Variants in ZNF746 observed in about 807,000 individuals in gnomAD.
ZNF746 encodes the protein zinc finger protein 746, also known as parkin-interacting substrate.
A neutral mutation model predicts 41.0 loss-of-function variants in ZNF746; 13 were observed. That is an observed-to-expected ratio of 0.32 (90% CI 0.21 to 0.50). ZNF746 has a LOEUF of 0.50. Among genes scored for constraint, ZNF746 ranks in the 20% least tolerant of loss-of-function variants. The pLI, the probability that ZNF746 is intolerant of heterozygous loss-of-function variation, is 0.98. For missense variants in ZNF746, 811 were observed against 922.9 expected (o/e 0.88, Z 1.57); for synonymous variants, 424 against 396.2 (o/e 1.07, Z -0.83).
chr7:149,488,094 T>G (rs1460743277), intron 4 of ZNF746: 1 of 152,076 alleles, frequency 6.6e-6, no homozygotes, highest in East Asian at 1.9e-4. Context: ...AACAGACTTG[T>G]GCACATGCAG....
chr7:149,488,443 G>A (rs946523340), intron 4 of ZNF746: 1 of 152,080 alleles, frequency 6.6e-6, no homozygotes, highest in Non-Finnish European at 1.5e-5. Context: ...CAACGTTAAA[G>A]ACCTGCCACC....
intron 4 of ZNF746, among the ~76,000 whole-genome samples, chr7:149,486,216 A>G (rs1800617295): frequency 6.6e-6 from 1 of 152,188 alleles, no homozygotes; most frequent in Non-Finnish European, 1.5e-5. Context: ...AAATAAAAAC[A>G]GCATTTCCCA....
intron 4 of ZNF746, among the ~76,000 whole-genome samples, chr7:149,480,055 A>C (rs1013558365): frequency 6.6e-6 from 1 of 152,230 alleles, no homozygotes; most frequent in Non-Finnish European, 1.5e-5. Context: ...AAAAACTTCC[A>C]GGTCAAGACT....
chr7:149,475,540 G>A lies in ZNF746; in HGVS notation c.884-57C>T, dbSNP rs188641261. 262 of 1,546,884 alleles carry A rather than the reference G, an allele frequency of 1.7e-4. No homozygotes were observed. In the East Asian group the frequency reaches 5.1e-3, roughly 30 times the overall value. On this transcript the variant is annotated intron_variant, in intron 6 of 6. Transcript: ENST00000458143. ...GTCCCTTAACTGCTGAGCGAGCCAC[G>A]ATCTGCCACCATCACCTGCTCAGCA...
At chr7:149,487,316 A>G (rs1197992322) in intron 4 of ZNF746, among the ~76,000 whole-genome samples, 2 of 152,244 alleles carry the variant, frequency 1.3e-5, no homozygotes, top group African/African-American at 4.8e-5. Flanking sequence ...CATTTGATAC[A>G]ATATAACACT....
intron 4 of ZNF746, among the ~76,000 whole-genome samples, chr7:149,485,364 TG>T (rs1379944312): frequency 6.6e-6 from 1 of 152,172 alleles, no homozygotes; most frequent in African/African-American, 2.4e-5. Context: ...GAATTTTTCA[TG>T]GAACTTGATA....
In ZNF746 at chr7:149,474,309, T is replaced by G. The variant is rs1800203645; in HGVS notation, c.*75A>C. 1.3e-6 allele frequency: 2 copies of G among 1,525,254 alleles called. No homozygotes were observed. The highest frequency in any genetic ancestry group is 1.4e-5 in the African/African-American group (1 of 72,586). 94.5% of individuals were successfully genotyped at this position (1,525,254 alleles called of 1,614,324 possible). ...TCCCCGTCCCGCGTCTGCCTGAAGCTTCCACGCCGCCCTGCTGCCTGCACA... is the reference window on the plus strand; with the variant it reads ...TCCCCGTCCCGCGTCTGCCTGAAGCGTCCACGCCGCCCTGCTGCCTGCACA... On this transcript the variant is annotated 3_prime_UTR_variant, in exon 7 of 7. Transcript: ENST00000458143. This position sits in a 1 kb window ranked among gnomAD's most constrained non-coding sequence, Gnocchi z 6.3.
In ZNF746 at chr7:149,474,909, C is replaced by T. The variant is rs761765989; in HGVS notation, c.1458G>A (p.Ala486=). 19 of 1,537,790 alleles carry T rather than the reference C, an allele frequency of 1.2e-5. No homozygotes were observed. The East Asian group carries it at 3.4e-4, about 28-fold the overall frequency. The change falls in exon 7 of 7, where the codon GCG becomes GCA. Residue 486 remains alanine, a synonymous_variant. Coordinates refer to ENST00000458143, the MANE Select transcript of ZNF746 (RefSeq NM_001394198.1). The surrounding 1 kb of genome is among the most constrained non-coding windows in gnomAD (Gnocchi z 6.3). ...KSFQLQVSLS[A]HQRSCGAPDG... ...CGGGCGCCCCACAGCTGCGCTGGTG[C>T]GCGCTCAGGCTGACTTGCAGCTGGA...
At chr7:149,476,859 C>T (rs1009524809) in intron 6 of ZNF746, 63 bp downstream of exon 6, 1 of 1,610,858 alleles carries the variant, frequency 6.2e-7, no homozygotes, top group African/African-American at 1.3e-5. Flanking sequence ...AATGGGATGC[C>T]TGGACCGAGG....
In ZNF746 at chr7:149,474,219, C is replaced by A. The variant is rs929395432; in HGVS notation, c.*165G>T. ...ATTCTACTTGGTTTAGAGGTGGCAG[C>A]TGTCCTGGTGGATAGTTTCTCTTTC... On this transcript the variant is annotated 3_prime_UTR_variant, in exon 7 of 7. Coordinates refer to ENST00000458143, the MANE Select transcript of ZNF746 (RefSeq NM_001394198.1). This position sits in a 1 kb window ranked among gnomAD's most constrained non-coding sequence, Gnocchi z 6.3. 4 of 747,810 alleles carry A rather than the reference C, an allele frequency of 5.3e-6. No homozygotes were observed. The highest frequency in any genetic ancestry group is 8.5e-6 in the Non-Finnish European group (4 of 471,390). The allele number at this position is 747,810 out of a possible 1,614,324, so 46.3% of individuals were successfully genotyped here. A position where few individuals can be genotyped will look rare whatever the true frequency, so the allele number is the denominator to read the frequency against.
Position 149,497,672 on chromosome 7 carries a change from G to GGGGCAGCCAGCGA in ZNF746, c.-137_-136insTCGCTGGCTGCCC. 1 of 638,490 alleles carries GGGGCAGCCAGCGA rather than the reference G, an allele frequency of 1.6e-6. No individual in the cohort carries two copies. Among genetic ancestry groups the GGGGCAGCCAGCGA allele is most frequent in the Non-Finnish European group, 2.0e-6 (1 of 510,186 alleles). 39.6% of individuals were successfully genotyped at this position (638,490 alleles called of 1,614,324 possible). On this transcript the variant is annotated 5_prime_UTR_variant, in exon 1 of 7. Coordinates refer to ENST00000458143, the MANE Select transcript of ZNF746 (RefSeq NM_001394198.1). The surrounding 1 kb of genome is among the most constrained non-coding windows in gnomAD (Gnocchi z 4.2). ...CTTTCCTCTGCCGCCGCTCCTCGCT[G>GGGGCAGCCAGCGA]GCTGCCCCTGCGCCGCGCCGCCCGC... is the stretch of plus-strand genomic sequence containing the variant.
chr7:149,480,816 G>A (rs1800464238), intron 4 of ZNF746, among the ~76,000 whole-genome samples: 1 of 152,170 alleles, frequency 6.6e-6, no homozygotes, highest in Non-Finnish European at 1.5e-5. Flanking sequence ...GAACTAACTA[G>A]AAGATAGAAG....
intron 1 of ZNF746, chr7:149,496,896 C>G (rs1801016059): frequency 8.1e-6 from 8 of 985,438 alleles, no homozygotes; most frequent in Non-Finnish European, 9.6e-6. Context: ...CACTTTCCAG[C>G]TGGGTAAGCC....
chr7:149,492,698 G>A (rs1800844204), intron 4 of ZNF746, among the ~76,000 whole-genome samples, 161 bp downstream of exon 4: 1 of 151,868 alleles, frequency 6.6e-6, no homozygotes, highest in Non-Finnish European at 1.5e-5. Context: ...AGCTGACTAA[G>A]TTAGAGATTA....
rs576517916 is a variant in ZNF746 at position 149,474,971 on chromosome 7, C to A, written c.1396G>T (p.Gly466Cys). The change falls in exon 7 of 7, where the codon GGC (glycine) becomes TGC (cysteine). Residue 466 changes from glycine to cysteine, a missense_variant. Gly to Cys is a radical substitution (Grantham distance 159, BLOSUM62 -3). Transcript: ENST00000458143. This position sits in a 1 kb window ranked among gnomAD's most constrained non-coding sequence, Gnocchi z 6.3. ...LKKHPAAPPG[G>C]RPFTCATCGK... Reference sequence around the variant, plus strand: ...CACGTGGCGCAGGTGAAGGGCCGGCCCCCGGGGGGCGCCGCGGGGTGCTTC... The same window carrying A: ...CACGTGGCGCAGGTGAAGGGCCGGCACCCGGGGGGCGCCGCGGGGTGCTTC... 1.3e-6 allele frequency: 2 copies of A among 1,548,142 alleles called. No homozygotes were observed. The highest frequency in any genetic ancestry group is 2.4e-5 in the East Asian group (1 of 40,932).
At chr7:149,477,868 A>C in intron 4 of ZNF746, 113 bp from the exon 5 acceptor site, 1 of 863,342 alleles carries the variant, frequency 1.2e-6, no homozygotes, top group Non-Finnish European at 1.7e-6. Context: ...CCAACAGCAA[A>C]AGAGCCTGGT....
At chr7:149,477,819 A>G in intron 4 of ZNF746, 64 bp from the exon 5 acceptor site, 5 of 1,379,756 alleles carry the variant, frequency 3.6e-6, no homozygotes, top group Non-Finnish European at 4.9e-6. Context: ...GCATACACGC[A>G]TCCAGCCGGA....
Position 149,474,305 on chromosome 7 carries a change from A to G in ZNF746, c.*79T>C. On this transcript the variant is annotated 3_prime_UTR_variant, in exon 7 of 7. Transcript: ENST00000458143. This position sits in a 1 kb window ranked among gnomAD's most constrained non-coding sequence, Gnocchi z 6.3. ...GTTCTCCCCGTCCCGCGTCTGCCTG[A>G]AGCTTCCACGCCGCCCTGCTGCCTG... 1 of 1,512,630 alleles carries G rather than the reference A, an allele frequency of 6.6e-7. No homozygotes were observed. The allele number at this position is 1,512,630 out of a possible 1,614,324, so 93.7% of individuals were successfully genotyped here. A position where few individuals can be genotyped will look rare whatever the true frequency, so the allele number is the denominator to read the frequency against.
In ZNF746 at chr7:149,475,473, T is replaced by C; in HGVS notation, c.894A>G (p.Lys298=). The change falls in exon 7 of 7, where the codon AAA becomes AAG. Residue 298 remains lysine (K), a synonymous_variant. Transcript: ENST00000458143. ...CCTGGACTTCTGTTTTTATTACAAT[T>C]TTTACATCTGCTGAGAAAGACAGAA... The part of the protein sequence containing the change: ...NTAASTEADV[K]IVIKTEVQEE... 6.2e-7 allele frequency: 1 copy of C among 1,611,672 alleles called. No homozygotes were observed. The highest frequency in any genetic ancestry group is 1.1e-5 in the South Asian group (1 of 91,042).
Sources: gnomAD v4.1 joint callset for allele counts (sites outside exome capture counted in the v4.1 genomes callset) on GRCh38, gnomAD v4.1.1 for gene constraint, Gnocchi (gnomAD v3.1) non-coding constraint, MANE v1.5 for transcripts, NCBI Gene and HGNC (gene_info 2026-07-23, HGNC 2026-07-21) for gene names.